CDK17: variants seen among roughly 807,000 people sequenced by gnomAD.
CDK17 encodes the protein cyclin dependent kinase 17.
Under a neutral mutation model 77.6 loss-of-function variants are expected in CDK17, and 24 were observed. That is an observed-to-expected ratio of 0.31 (90% CI 0.22 to 0.44). CDK17 has a LOEUF of 0.44. CDK17 is among the 20% of genes least tolerant of loss of function. The pLI is 1.00. For synonymous variants in CDK17, 203 were observed against 210.4 expected, an observed-to-expected ratio of 0.96 and a Z score of 0.30; for missense variants, 429 against 622.5, an observed-to-expected ratio of 0.69 and a Z score of 3.31.
chr12:96,287,108 G>C (rs1952256444), intron 11 of CDK17, among the ~76,000 whole-genome samples: 1 of 152,160 alleles, frequency 6.6e-6, no homozygotes, highest in East Asian at 1.9e-4. Flanking sequence ...CAATAGTGTA[G>C]ACCATGGATT....
rs191150442 is a variant in CDK17, at chr12:96,393,322, G to A, written c.-30+6664C>T. Among the ~76,000 whole-genome samples, 700 of 116,106 alleles carry A rather than the reference G, an allele frequency of 6.0e-3. 6 individuals are homozygous for A. The highest frequency in any genetic ancestry group is 0.023 in the African/African-American group (658 of 29,082). The allele number at this position is 116,106 out of a possible 152,430, so 76.2% of individuals were successfully genotyped here. On this transcript the variant is annotated intron_variant, in intron 1 of 16. Transcript: ENST00000261211. ...GGAGGTTGCAGTGAGCCAAGATTGTGCCATTGTACTCCAGCCTGTGAGGCT... is the reference window on the plus strand; with the variant it reads ...GGAGGTTGCAGTGAGCCAAGATTGTACCATTGTACTCCAGCCTGTGAGGCT...
intron 10 of CDK17, among the ~76,000 whole-genome samples, chr12:96,292,200 C>A (rs568083564): frequency 2.6e-5 from 4 of 152,006 alleles, no homozygotes; most frequent in African/African-American, 9.7e-5. Context: ...AAGTATTAAA[C>A]GAGCAAAAGT....
chr12:96,297,126 T>G, intron 9 of CDK17, 144 bp downstream of exon 9: 3 of 534,444 alleles, frequency 5.6e-6, no homozygotes, highest in Non-Finnish European at 9.9e-6. Flanking sequence ...TGGGTAAATA[T>G]TGCACGTTCA....
chr12:96,398,052 AAT>A (rs1296670694), intron 1 of CDK17, among the ~76,000 whole-genome samples: 2 of 152,214 alleles, frequency 1.3e-5, no homozygotes, highest in Non-Finnish European at 2.9e-5. Flanking sequence ...TTTATACTTC[AAT>A]AGTGTTTTAT....
chr12:96,284,558 G>C (rs894889547), intron 13 of CDK17: 2 of 151,660 alleles, frequency 1.3e-5, no homozygotes, highest in African/African-American at 4.8e-5. Context: ...GTAGGGTTAG[G>C]GATTATCTTT....
rs368207716 is a variant in CDK17, at chr12:96,323,340, C to T, written c.283+608G>A. Among the ~76,000 whole-genome samples the T allele has an allele frequency of 7.2e-5, 11 of 151,764 alleles. No individual in the cohort carries two copies. In the East Asian group the frequency reaches 1.2e-3, roughly 16 times the overall value. ...GCGTAGCGGCATGCACAGGTAGTTC[C>T]AGCTACTCAGGAGGCTGAGGTGGGA... On this transcript the variant is annotated intron_variant, in intron 3 of 16. Coordinates refer to ENST00000261211, the MANE Select transcript of CDK17 (RefSeq NM_002595.5).
At chr12:96,326,926 G>C (rs1034367745) in intron 2 of CDK17, among the ~76,000 whole-genome samples, 2 of 152,214 alleles carry the variant, frequency 1.3e-5, no homozygotes, top group Non-Finnish European at 2.9e-5. Context: ...AGTTACGGTA[G>C]CTTTGAAGCA....
chr12:96,311,292 G>C, intron 4 of CDK17, 115 bp from the exon 5 acceptor site: 2 of 828,318 alleles, frequency 2.4e-6, no homozygotes, highest in South Asian at 4.9e-5. Flanking sequence ...TTTTATTGCA[G>C]TTGCAAAGTT....
At chr12:96,301,980 A>G (rs1431354909) in intron 5 of CDK17, among the ~76,000 whole-genome samples, 1 of 152,178 alleles carries the variant, frequency 6.6e-6, no homozygotes, top group East Asian at 1.9e-4. Context: ...ATTTTAGTAA[A>G]CTAATTAAAA....
At chr12:96,338,593 G>GTT (rs1953079441) in intron 1 of CDK17, among the ~76,000 whole-genome samples, 1 of 152,086 alleles carries the variant, frequency 6.6e-6, no homozygotes, top group South Asian at 2.1e-4. Context: ...GTTTTGCCAT[G>GTT]TTGACCAGGC....
chr12:96,362,588 T>C (rs1050250127), intron 1 of CDK17, among the ~76,000 whole-genome samples: 3 of 104,222 alleles, frequency 2.9e-5, no homozygotes, highest in Non-Finnish European at 8.3e-5. Context: ...ATATCCTATC[T>C]GTAAAACTTC....
chr12:96,290,118 G>A (rs1302521004), intron 10 of CDK17, among the ~76,000 whole-genome samples: 1 of 152,098 alleles, frequency 6.6e-6, no homozygotes, highest in Non-Finnish European at 1.5e-5. Context: ...GGCCATATAT[G>A]GCCCATGGGC....
chr12:96,334,845 T>A lies in CDK17; in HGVS notation c.-9A>T. The A allele has an allele frequency of 7.2e-7, 1 of 1,379,812 alleles. No homozygotes were observed. The highest frequency in any genetic ancestry group is 2.3e-5 in the East Asian group (1 of 43,696). 85.5% of individuals were successfully genotyped at this position (1,379,812 alleles called of 1,614,324 possible). On this transcript the variant is annotated 5_prime_UTR_variant, in exon 2 of 17. Coordinates refer to ENST00000261211, the MANE Select transcript of CDK17 (RefSeq NM_002595.5). ...CTCTTAAATTTTTTCATCCTATCAA[T>A]TGAATGTGGCTTGAAAAATCCTGAA...
At chr12:96,379,239 CTGTA>C (rs1953836217) in intron 1 of CDK17, among the ~76,000 whole-genome samples, 1 of 152,202 alleles carries the variant, frequency 6.6e-6, no homozygotes, top group African/African-American at 2.4e-5. Flanking sequence ...TTATCAGAAC[CTGTA>C]TGTAAGTTTA....
intron 1 of CDK17, among the ~76,000 whole-genome samples, chr12:96,398,358 CA>C (rs1412587278): frequency 2.0e-5 from 3 of 152,118 alleles, no homozygotes; most frequent in Non-Finnish European, 4.4e-5. Flanking sequence ...ATTAACAAAG[CA>C]ACATCCCAAC....
At chr12:96,380,521 C>A (rs1036980384) in intron 1 of CDK17, among the ~76,000 whole-genome samples, 1 of 151,982 alleles carries the variant, frequency 6.6e-6, no homozygotes, top group Non-Finnish European at 1.5e-5. Context: ...GAACTCCTGA[C>A]CTCGTGATCC....
chr12:96,356,885 C>A (rs1953401884), intron 1 of CDK17, among the ~76,000 whole-genome samples: 1 of 152,090 alleles, frequency 6.6e-6, no homozygotes, highest in Non-Finnish European at 1.5e-5. Context: ...AATTAAAATT[C>A]AAAATATAAA....
intron 1 of CDK17, among the ~76,000 whole-genome samples, chr12:96,373,560 A>G (rs1565841088): frequency 6.6e-6 from 1 of 151,938 alleles, no homozygotes; most frequent in East Asian, 1.9e-4. Context: ...GCGCCATTGC[A>G]CCCCAGCCTA....
At chr12:96,355,654 C>T (rs558523785) in intron 1 of CDK17, among the ~76,000 whole-genome samples, 16 of 152,238 alleles carry the variant, frequency 1.1e-4, no homozygotes, top group Admixed American at 3.9e-4. Flanking sequence ...GATCCGCCCA[C>T]CTCAGCCTCC....
Sources: gnomAD v4.1 joint callset for allele counts (sites outside exome capture counted in the v4.1 genomes callset) on GRCh38, gnomAD v4.1.1 for gene constraint, MANE v1.5 for transcripts, NCBI Gene and HGNC (gene_info 2026-07-23, HGNC 2026-07-21) for gene names.